TXNDC11: variants seen among roughly 807,000 people sequenced by gnomAD.
TXNDC11 encodes thioredoxin domain-containing protein 11.
A neutral mutation model predicts 78.0 loss-of-function variants in TXNDC11; 68 were observed. That is an observed-to-expected ratio of 0.87 (90% CI 0.72 to 1.07). The LOEUF (loss-of-function observed/expected upper bound fraction) is 1.07, where lower values mean the gene tolerates loss of function less well. Among genes scored for constraint, TXNDC11 ranks in the 50% least tolerant of loss-of-function variants. The pLI, the probability that TXNDC11 is intolerant of heterozygous loss-of-function variation, is 0.00. For missense variants in TXNDC11, 1,389 were observed against 1,221.8 expected, an observed-to-expected ratio of 1.14 and a Z score of -2.04; for synonymous variants, 571 against 495.2, an observed-to-expected ratio of 1.15 and a Z score of -2.03.
chr16:11,679,892 C>T lies in TXNDC11; in HGVS notation c.2235-55G>A, dbSNP rs2050377994. Reference sequence around the variant, plus strand: ...AGGAGTCACACCAACACAATGAGTCCAAAAGCAGGCTGTACCTGAGGCCAG... The same window carrying T: ...AGGAGTCACACCAACACAATGAGTCTAAAAGCAGGCTGTACCTGAGGCCAG... On this transcript the variant is annotated intron_variant, in intron 11 of 11. Transcript: ENST00000283033. The surrounding 1 kb of genome is among the most constrained non-coding windows in gnomAD (Gnocchi z 4.6). The T allele has an allele frequency of 6.8e-7, 1 of 1,479,146 alleles. No homozygotes were observed. 91.6% of individuals were successfully genotyped at this position (1,479,146 alleles called of 1,614,324 possible).
intron 5 of TXNDC11, among the ~76,000 whole-genome samples, chr16:11,715,365 A>T (rs2051497962): frequency 6.6e-6 from 1 of 151,454 alleles, no homozygotes; most frequent in Non-Finnish European, 1.5e-5. Context: ...AGTTCTAGCT[A>T]CTCAGAAGGC....
At chr16:11,725,753 G>T (rs2051858524) in intron 4 of TXNDC11, among the ~76,000 whole-genome samples, 1 of 152,218 alleles carries the variant, frequency 6.6e-6, no homozygotes, top group Admixed American at 6.5e-5. Context: ...AATAACAACT[G>T]AAGTATTTCA....
At chr16:11,691,217 C>A in intron 8 of TXNDC11, 73 bp downstream of exon 8, 2 of 1,255,188 alleles carry the variant, frequency 1.6e-6, no homozygotes, top group Non-Finnish European at 2.2e-6. Context: ...GTAATGAGAG[C>A]CATCAATAAA....
intron 5 of TXNDC11, among the ~76,000 whole-genome samples, chr16:11,706,432 G>C (rs1000164885): frequency 1.3e-5 from 2 of 152,218 alleles, no homozygotes; most frequent in Non-Finnish European, 2.9e-5. Context: ...GCACCATCTA[G>C]ACCCATCACA....
At chr16:11,681,622 T>C (rs1258547877) in intron 11 of TXNDC11, among the ~76,000 whole-genome samples, 2 of 152,080 alleles carry the variant, frequency 1.3e-5, no homozygotes, top group East Asian at 1.9e-4. Context: ...ACTGTGATTC[T>C]TCCCCTGGGA....
intron 5 of TXNDC11, among the ~76,000 whole-genome samples, 195 bp from the exon 6 acceptor site, chr16:11,700,759 G>A (rs1418882661): frequency 6.6e-6 from 1 of 152,180 alleles, no homozygotes; most frequent in Non-Finnish European, 1.5e-5. Context: ...TGTCAAGCCT[G>A]CTTCTGAGAG....
intron 5 of TXNDC11, among the ~76,000 whole-genome samples, chr16:11,709,969 C>T (rs1318843991): frequency 2.0e-5 from 3 of 152,062 alleles, no homozygotes; most frequent in East Asian, 3.9e-4. Context: ...ACGGTGAAAC[C>T]CCGTCTCTAC....
chr16:11,715,896 G>C (rs1445688460), intron 5 of TXNDC11, among the ~76,000 whole-genome samples: 8 of 152,176 alleles, frequency 5.3e-5, no homozygotes, highest in Admixed American at 1.3e-4. Context: ...ATACTTATCT[G>C]AGGTGCTTTC....
At chr16:11,695,360 G>A (rs1376840164) in intron 7 of TXNDC11, among the ~76,000 whole-genome samples, 1 of 152,118 alleles carries the variant, frequency 6.6e-6, no homozygotes, top group Admixed American at 6.5e-5. Context: ...TGCTTGGTAT[G>A]CCCCCAACTC....
At chr16:11,703,178 C>T (rs891885200) in intron 5 of TXNDC11, among the ~76,000 whole-genome samples, 5 of 152,048 alleles carry the variant, frequency 3.3e-5, no homozygotes, top group African/African-American at 4.8e-5. Flanking sequence ...CTATTGCAAA[C>T]GGGTAACACC....
chr16:11,711,911 G>C (rs1449058678), intron 5 of TXNDC11, among the ~76,000 whole-genome samples: 1 of 152,232 alleles, frequency 6.6e-6, no homozygotes, highest in Non-Finnish European at 1.5e-5. Context: ...GCTCAGTCAA[G>C]TATCAGCTTA....
intron 2 of TXNDC11, among the ~76,000 whole-genome samples, chr16:11,735,308 C>G (rs2052187261): frequency 6.6e-6 from 1 of 152,130 alleles, no homozygotes; most frequent in Non-Finnish European, 1.5e-5. Flanking sequence ...GTATATGGAC[C>G]TGTTCTGACT....
At chr16:11,728,982 C>A (rs915312307) in intron 4 of TXNDC11, among the ~76,000 whole-genome samples, 4 of 152,074 alleles carry the variant, frequency 2.6e-5, no homozygotes, top group African/African-American at 9.7e-5. Context: ...GCCTGGGTAA[C>A]AGAGTGAGAC....
chr16:11,697,150 C>T lies in TXNDC11; in HGVS notation c.1107+975G>A, dbSNP rs75332306. On this transcript the variant is annotated intron_variant, in intron 7 of 11. Transcript: ENST00000283033. ...TATTTCATTTCTCTCCTCTTTCTTC[C>T]TCTAAACCAAAGAGCAGCATTCATT... is the stretch of plus-strand genomic sequence containing the variant. Among the ~76,000 whole-genome samples the T allele has an allele frequency of 1.8e-3, 269 of 152,296 alleles. 1 individual carries two copies. The highest frequency in any genetic ancestry group is 6.1e-3 in the African/African-American group (252 of 41,564).
At chr16:11,685,352 A>G (rs1239439035) in intron 10 of TXNDC11, among the ~76,000 whole-genome samples, 1 of 152,012 alleles carries the variant, frequency 6.6e-6, no homozygotes, top group Non-Finnish European at 1.5e-5. Context: ...CCCTGTCTCA[A>G]AAAAACAACA....
chr16:11,698,406 C>T (rs2050918483), intron 6 of TXNDC11, 81 bp from the exon 7 acceptor site: 2 of 1,285,850 alleles, frequency 1.6e-6, no homozygotes, highest in South Asian at 2.5e-5. Context: ...CTGTTCCAAC[C>T]CCACCACTAA....
chr16:11,719,149 G>C (rs928448976), intron 5 of TXNDC11, among the ~76,000 whole-genome samples: 1 of 152,164 alleles, frequency 6.6e-6, no homozygotes, highest in Non-Finnish European at 1.5e-5. Context: ...AACAAAACAT[G>C]CTTCTACGAC....
At chr16:11,705,687 C>G (rs1199447277) in intron 5 of TXNDC11, among the ~76,000 whole-genome samples, 1 of 152,164 alleles carries the variant, frequency 6.6e-6, no homozygotes, top group Non-Finnish European at 1.5e-5. Flanking sequence ...CTAACATGCT[C>G]AAACATATTA....
At chr16:11,710,710 G>A (rs546091412) in intron 5 of TXNDC11, among the ~76,000 whole-genome samples, 3 of 152,298 alleles carry the variant, frequency 2.0e-5, no homozygotes, top group East Asian at 1.9e-4. Context: ...GTGTGATGGC[G>A]TGAGCCTGCA....
Sources: allele counts gnomAD v4.1 joint callset (sites outside exome capture counted in the v4.1 genomes callset), GRCh38; gene constraint gnomAD v4.1.1; non-coding constraint Gnocchi (gnomAD v3.1); transcripts MANE v1.5; gene names NCBI Gene and HGNC (gene_info 2026-07-23, HGNC 2026-07-21).